Variants in ADAM11 observed in about 807,000 individuals in gnomAD.
The protein encoded by ADAM11 is disintegrin and metalloproteinase domain-containing protein 11.
Under a neutral mutation model 119.1 loss-of-function variants are expected in ADAM11, and 49 were observed. The observed-to-expected ratio is 0.41, with a 90% CI of 0.33 to 0.52. The LOEUF is 0.52. ADAM11 is among the 20% of genes least tolerant of loss of function. The pLI, the probability that ADAM11 is intolerant of heterozygous loss-of-function variation, is 0.20. For synonymous variants in ADAM11, 364 were observed against 408.0 expected, an observed-to-expected ratio of 0.89 and a Z score of 1.30; for missense variants, 777 against 1,047.5, an observed-to-expected ratio of 0.74 and a Z score of 3.56.
chr17:44,774,601 C>A lies in ADAM11; in HGVS notation c.1168+19C>A, dbSNP rs2049573735. The A allele has an allele frequency of 6.2e-7, 1 of 1,609,044 alleles. No homozygotes were observed. The highest frequency in any genetic ancestry group is 1.7e-5 in the Admixed American group (1 of 59,528). ...TCGGCAGGTATCCTCCCCCAGAGGC[C>A]CCCGTGTGGCCCACGCCCAGCAGCT... On this transcript the variant is annotated intron_variant, in intron 13 of 26. Transcript: ENST00000200557.
chr17:44,776,619 G>A lies in ADAM11; in HGVS notation c.1567-126G>A. 2.5e-6 allele frequency: 3 copies of A among 1,200,406 alleles called. No homozygotes were observed. The highest frequency in any genetic ancestry group is 1.4e-5 in the South Asian group (1 of 69,118). The allele number at this position is 1,200,406 out of a possible 1,614,324, so 74.4% of individuals were successfully genotyped here. On this transcript the variant is annotated intron_variant, in intron 18 of 26. Coordinates refer to ENST00000200557, the MANE Select transcript of ADAM11 (RefSeq NM_002390.6). This position sits in a 1 kb window ranked among gnomAD's most constrained non-coding sequence, Gnocchi z 5.2. ...GAACCAGACAGATCGCTTGTCCTAGGCGTGGAAGAGCCCTGTGGCATGAGC... is the reference window on the plus strand; with the variant it reads ...GAACCAGACAGATCGCTTGTCCTAGACGTGGAAGAGCCCTGTGGCATGAGC...
chr17:44,772,652 T>C lies in ADAM11; in HGVS notation c.678+186T>C, dbSNP rs1340247328. 6.6e-6 allele frequency among the ~76,000 whole-genome samples: 1 copy of C among 152,026 alleles called. No individual in the cohort carries two copies. Among genetic ancestry groups the C allele is most frequent in the Admixed American group, 6.5e-5 (1 of 15,268 alleles). ...CCACCCCTTCCCTAATGCTGGCATC[T>C]ACAGAGGCCCCATCCTGGGCAAACC... On this transcript the variant is annotated intron_variant, in intron 8 of 26. Coordinates refer to ENST00000200557, the MANE Select transcript of ADAM11 (RefSeq NM_002390.6). The surrounding 1 kb of genome is among the most constrained non-coding windows in gnomAD (Gnocchi z 4.5).
At chr17:44,767,227 G>A (rs191837259) in intron 2 of ADAM11, among the ~76,000 whole-genome samples, 1 of 151,616 alleles carries the variant, frequency 6.6e-6, no homozygotes, top group Non-Finnish European at 1.5e-5. Context: ...GTGGTGGTAG[G>A]CACCTACAAT....
chr17:44,778,031 C>T lies in ADAM11; in HGVS notation c.2150C>T (p.Thr717Met), dbSNP rs374608514. 6.8e-5 allele frequency: 109 copies of T among 1,613,750 alleles called. No homozygotes were observed. The highest frequency in any genetic ancestry group is 6.4e-4 in the South Asian group (58 of 90,982). The stretch of plus-strand genomic sequence containing the variant: ...TGCAGTATCCATAACCCCCTGCCCA[C>T]GTCCCCACCCACGGGGGAGACGGAG... Reference protein sequence around the residue: ...KDCSIHNPLPTSPPTGETERY... With the variant: ...KDCSIHNPLPMSPPTGETERY... The change falls in exon 24 of 27, where the codon ACG (threonine) becomes ATG (methionine). Residue 717 changes from threonine to methionine, a missense_variant. Physicochemically the swap from Thr to Met is moderately conservative, Grantham distance 81. Coordinates refer to ENST00000200557, the MANE Select transcript of ADAM11 (RefSeq NM_002390.6).
chr17:44,772,765 C>A lies in ADAM11; in HGVS notation c.679-92C>A. On this transcript the variant is annotated intron_variant, in intron 8 of 26. Coordinates refer to ENST00000200557, the MANE Select transcript of ADAM11 (RefSeq NM_002390.6). The surrounding 1 kb of genome is among the most constrained non-coding windows in gnomAD (Gnocchi z 4.5). ...GCACTGTCCCTGGCTGGAGTCCAGA[C>A]CCCCCCATCCCCACCGAGTCTGTTC... is the stretch of plus-strand genomic sequence containing the variant. 1.7e-6 allele frequency: 2 copies of A among 1,154,466 alleles called. No homozygotes were observed. The highest frequency in any genetic ancestry group is 2.4e-5 in the East Asian group (1 of 41,606). The allele number at this position is 1,154,466 out of a possible 1,614,324, so 71.5% of individuals were successfully genotyped here. A position where few individuals can be genotyped will look rare whatever the true frequency, so the allele number is the denominator to read the frequency against.
chr17:44,759,190 T>C lies in ADAM11; in HGVS notation c.-10T>C. 2 of 1,220,266 alleles carry C rather than the reference T, an allele frequency of 1.6e-6. No individual in the cohort carries two copies. Among genetic ancestry groups the C allele is most frequent in the Non-Finnish European group, 2.1e-6 (2 of 967,876 alleles). 75.6% of individuals were successfully genotyped at this position (1,220,266 alleles called of 1,614,324 possible). A position where few individuals can be genotyped will look rare whatever the true frequency, so the allele number is the denominator to read the frequency against. ...GCCGCAGCCCCCGGACCGGGAGGAA[T>C]GAGCGAGCCATGAGGCTGCTGCGGC... is the stretch of plus-strand genomic sequence containing the variant. On this transcript the variant is annotated 5_prime_UTR_variant, in exon 1 of 27. It removes an upstream start codon present in the reference 5' UTR. Coordinates refer to ENST00000200557, the MANE Select transcript of ADAM11 (RefSeq NM_002390.6).
At chr17:44,761,935 G>T (rs903287531) in intron 2 of ADAM11, among the ~76,000 whole-genome samples, 1 of 152,144 alleles carries the variant, frequency 6.6e-6, no homozygotes, top group African/African-American at 2.4e-5. Context: ...CAATTCTACT[G>T]CCTCAGCCTC....
chr17:44,771,039 G>A (rs1478964749), intron 4 of ADAM11, among the ~76,000 whole-genome samples: 1 of 152,222 alleles, frequency 6.6e-6, no homozygotes, highest in Admixed American at 6.5e-5. Context: ...GTTTGAACCC[G>A]GGAGGCGGAG....
intron 26 of ADAM11, 77 bp downstream of exon 26, chr17:44,779,316 A>G: frequency 1.3e-6 from 2 of 1,504,636 alleles, no homozygotes; most frequent in Non-Finnish European, 1.8e-6. Flanking sequence ...CCTCCATCTC[A>G]TTCGTCACCC....
Position 44,777,055 on chromosome 17 carries a change from G to C in ADAM11, c.1681+93G>C, listed in dbSNP as rs917806410. On this transcript the variant is annotated intron_variant, in intron 20 of 26. Coordinates refer to ENST00000200557, the MANE Select transcript of ADAM11 (RefSeq NM_002390.6). The surrounding 1 kb of genome is among the most constrained non-coding windows in gnomAD (Gnocchi z 5.1). ...GTTCCAGCTGAACAGGCCCCCAAGT[G>C]TGTAGCTCCCCAGGATCTCAGGGAC... is the stretch of plus-strand genomic sequence containing the variant. The C allele has an allele frequency of 3.2e-6, 5 of 1,548,562 alleles. No homozygotes were observed. Among genetic ancestry groups the C allele is most frequent in the Non-Finnish European group, 4.4e-6 (5 of 1,139,914 alleles).
intron 2 of ADAM11, among the ~76,000 whole-genome samples, chr17:44,763,463 C>A (rs999266384): frequency 6.6e-6 from 1 of 152,218 alleles, no homozygotes; most frequent in Non-Finnish European, 1.5e-5. Flanking sequence ...GCACTCAACC[C>A]CCTCACTTCT....
At chr17:44,767,317 T>G (rs1308195993) in intron 2 of ADAM11, among the ~76,000 whole-genome samples, 1 of 134,704 alleles carries the variant, frequency 7.4e-6, no homozygotes, top group East Asian at 2.1e-4. Flanking sequence ...ATTGCACCAC[T>G]GCACTACAGC....
intron 4 of ADAM11, among the ~76,000 whole-genome samples, 172 bp from the exon 5 acceptor site, chr17:44,771,412 C>T (rs188695467): frequency 5.3e-5 from 8 of 152,232 alleles, no homozygotes; most frequent in Admixed American, 1.3e-4. Flanking sequence ...CAGGGTGGCA[C>T]GGCAAATTAG....
chr17:44,777,141 G>A lies in ADAM11; in HGVS notation c.1682-25G>A. ...TGGGGTGGGTCCTGGGGCGCGTGGG[G>A]TCACTTGGCATCCTCTCCCCACAGC... On this transcript the variant is annotated intron_variant, in intron 20 of 26. Transcript: ENST00000200557. This position sits in a 1 kb window ranked among gnomAD's most constrained non-coding sequence, Gnocchi z 5.1. The A allele has an allele frequency of 6.3e-7, 1 of 1,581,588 alleles. No individual in the cohort carries two copies. Among genetic ancestry groups the A allele is most frequent in the South Asian group, 1.2e-5 (1 of 86,836 alleles).
rs371998230 is a variant in ADAM11 at position 44,759,763 on chromosome 17, G to T, written c.103G>T (p.Gly35Cys). 9.9e-5 allele frequency: 131 copies of T among 1,326,508 alleles called. No individual in the cohort carries two copies. The highest frequency in any genetic ancestry group is 2.1e-4 in the Admixed American group (7 of 32,978). 82.2% of individuals were successfully genotyped at this position (1,326,508 alleles called of 1,614,324 possible). A position where few individuals can be genotyped will look rare whatever the true frequency, so the allele number is the denominator to read the frequency against. Residue 35 changes from glycine (G) to cysteine (C), a missense_variant, in exon 2 of 27, where the codon GGC (glycine) becomes TGC (cysteine). Gly to Cys is a radical substitution (Grantham distance 159). Around this residue, in one of 4 missense-constraint regions of ADAM11, gnomAD observed 278 missense variants for 310.1 expected, o/e 0.90. Coordinates refer to ENST00000200557, the MANE Select transcript of ADAM11 (RefSeq NM_002390.6). The part of the protein sequence containing the change: ...QGPAGALRWG[G>C]LPQLGGPGAP... Reference sequence around the variant, plus strand: ...TCCTGCTGGAGCTCTGCGATGGGGGGGCTTACCCCAGCTGGGAGGCCCAGG... The same window carrying T: ...TCCTGCTGGAGCTCTGCGATGGGGGTGCTTACCCCAGCTGGGAGGCCCAGG...
intron 1 of ADAM11, 103 bp downstream of exon 1, chr17:44,759,363 C>T (rs2049360628): frequency 6.3e-6 from 8 of 1,273,002 alleles, no homozygotes; most frequent in Non-Finnish European, 7.9e-6. Context: ...CTCGGGGTGA[C>T]AGCCGGTCCG....
Position 44,759,792 on chromosome 17 carries a change from C to G in ADAM11, c.132C>G (p.Ala44=). Residue 44 remains alanine (A), a synonymous_variant, in exon 2 of 27, where the codon GCC becomes GCG. Coordinates refer to ENST00000200557, the MANE Select transcript of ADAM11 (RefSeq NM_002390.6). ...GGLPQLGGPG[A]PEVTEPSRLV... is the part of the protein sequence containing the mutation. ...TACCCCAGCTGGGAGGCCCAGGAGC[C>G]CCTGAGGTCACGGAACCCAGCCGTC... The G allele has an allele frequency of 7.6e-7, 1 of 1,321,868 alleles. No individual in the cohort carries two copies. The highest frequency in any genetic ancestry group is 2.9e-5 in the South Asian group (1 of 33,902). 81.9% of individuals were successfully genotyped at this position (1,321,868 alleles called of 1,614,324 possible).
In ADAM11 at chr17:44,773,335, G is replaced by A; in HGVS notation, c.900G>A (p.Gln300=). The part of the protein sequence containing the change: ...METWADGDKI[Q]VQDDLLETLA... ...CATGGGCAGATGGGGACAAGATCCA[G>A]GTGCAGGATGACCTCCTGGAGACCC... The change falls in exon 11 of 27, where the codon CAG becomes CAA. Residue 300 remains glutamine, a synonymous_variant. Transcript: ENST00000200557. This position sits in a 1 kb window ranked among gnomAD's most constrained non-coding sequence, Gnocchi z 4.6. 6.2e-7 allele frequency: 1 copy of A among 1,614,052 alleles called. No homozygotes were observed. The highest frequency in any genetic ancestry group is 1.1e-5 in the South Asian group (1 of 91,078).
chr17:44,771,529 C>G, intron 4 of ADAM11, 55 bp from the exon 5 acceptor site: 1 of 1,563,210 alleles, frequency 6.4e-7, no homozygotes. Context: ...CCTTGAGGCC[C>G]ATTGGCTGCC....
Sources: gnomAD v4.1 joint callset for allele counts (sites outside exome capture counted in the v4.1 genomes callset) on GRCh38, gnomAD v4.1.1 for gene constraint, gnomAD v4.1.1 regional missense constraint, Gnocchi (gnomAD v3.1) non-coding constraint, MANE v1.5 for transcripts, NCBI Gene and HGNC (gene_info 2026-07-23, HGNC 2026-07-21) for gene names.